ANO3: variants seen among roughly 807,000 people sequenced by gnomAD.
ANO3 encodes the protein anoctamin 3, also known as anoctamin-3.
In ANO3, 99 loss-of-function variants were observed where a neutral mutation model predicts 144.8. The observed-to-expected ratio is 0.68, with a 90% CI of 0.58 to 0.81. ANO3 has a LOEUF of 0.81. Among genes scored for constraint, ANO3 ranks in the 30% least tolerant of loss-of-function variants. ANO3 has a pLI of 0.00. For missense variants in ANO3, 905 were observed against 1,202.2 expected, an observed-to-expected ratio of 0.75 and a Z score of 3.66; for synonymous variants, 414 against 392.6, an observed-to-expected ratio of 1.05 and a Z score of -0.64.
At chr11:26,646,013 A>G (rs1366036721) in intron 23 of ANO3, among the ~76,000 whole-genome samples, 1 of 152,204 alleles carries the variant, frequency 6.6e-6, no homozygotes, top group African/African-American at 2.4e-5. Flanking sequence ...AAGCCAGACA[A>G]CACGAAAGTG....
At chr11:26,228,270 C>G (rs991721204) in intron 1 of ANO3, among the ~76,000 whole-genome samples, 14 of 152,218 alleles carry the variant, frequency 9.2e-5, no homozygotes, top group African/African-American at 3.1e-4. Context: ...CTGAACCAAA[C>G]ACATGAGCTA....
chr11:26,489,764 A>G (rs186829875), intron 4 of ANO3, among the ~76,000 whole-genome samples: 64 of 152,292 alleles, frequency 4.2e-4, no homozygotes, highest in African/African-American at 1.5e-3. Flanking sequence ...TTTGACTTGC[A>G]TGGGCCCTGT....
intron 1 of ANO3, among the ~76,000 whole-genome samples, chr11:26,283,444 A>G (rs35215165): frequency 0.062 from 9,045 of 146,912 alleles, 517 homozygotes; most frequent in African/African-American, 0.15. Context: ...CTTCACTGCA[A>G]ATCTGCTCTC....
intron 9 of ANO3, among the ~76,000 whole-genome samples, chr11:26,535,339 T>C (rs1849478251): frequency 6.6e-6 from 1 of 152,138 alleles, no homozygotes; most frequent in Admixed American, 6.5e-5. Flanking sequence ...CTAGAAAAAG[T>C]AAATAAAATT....
intron 11 of ANO3, 28 bp downstream of exon 11, chr11:26,542,096 G>C: frequency 6.2e-7 from 1 of 1,601,362 alleles, no homozygotes. Flanking sequence ...ATAATGAAAA[G>C]CAAAGTATTC....
At chr11:26,605,892 G>A (rs1465387355) in intron 17 of ANO3, among the ~76,000 whole-genome samples, 1 of 151,288 alleles carries the variant, frequency 6.6e-6, no homozygotes, top group Non-Finnish European at 1.5e-5. Context: ...ACCAACTCCT[G>A]GATTCATTCA....
At chr11:26,340,797 A>G (rs1376879053) in intron 1 of ANO3, among the ~76,000 whole-genome samples, 1 of 152,222 alleles carries the variant, frequency 6.6e-6, no homozygotes, top group African/African-American at 2.4e-5. Flanking sequence ...TCCTAACGCT[A>G]TCTTCCTTTT....
At chr11:26,336,185 A>G (rs1292774466) in intron 1 of ANO3, among the ~76,000 whole-genome samples, 4 of 152,160 alleles carry the variant, frequency 2.6e-5, no homozygotes, top group South Asian at 2.1e-4. Context: ...TGCTTGATTT[A>G]TGATGAGCTC....
chr11:26,545,713 TAAAAA>T (rs5790585), intron 11 of ANO3, among the ~76,000 whole-genome samples: 2 of 148,934 alleles, frequency 1.3e-5, no homozygotes, highest in African/African-American at 4.9e-5. Flanking sequence ...GCACAAATAT[TAAAAA>T]AAAAAAAAAC....
At chr11:26,381,909 A>G (rs1856599335) in intron 1 of ANO3, among the ~76,000 whole-genome samples, 1 of 151,960 alleles carries the variant, frequency 6.6e-6, no homozygotes, top group Non-Finnish European at 1.5e-5. Flanking sequence ...TGGCAAAACA[A>G]TTTTTTTTAT....
At chr11:26,369,142 G>A (rs948322335) in intron 1 of ANO3, among the ~76,000 whole-genome samples, 2 of 152,080 alleles carry the variant, frequency 1.3e-5, no homozygotes, top group Non-Finnish European at 2.9e-5. Context: ...AAGTCTGTGT[G>A]GGTATGTGTG....
chr11:26,295,089 G>C (rs1051458144), intron 1 of ANO3, among the ~76,000 whole-genome samples: 2 of 151,562 alleles, frequency 1.3e-5, no homozygotes, highest in African/African-American at 4.8e-5. Flanking sequence ...TTGTTGTTTT[G>C]TATTTTAGTA....
In ANO3 at chr11:26,249,138, A is replaced by G. The variant is rs572773117; in HGVS notation, c.154+59808A>G. 1.6e-4 allele frequency among the ~76,000 whole-genome samples: 24 copies of G among 152,304 alleles called. 1 individual carries two copies. The South Asian group carries it at 4.8e-3, about 30-fold the overall frequency. On this transcript the variant is annotated intron_variant, in intron 1 of 27. Transcript: ENST00000672621. Reference sequence around the variant, plus strand: ...TAGCTTATATTTGCATAGCTCTTCAAAATATTTTGTAATGGAGACTGATTG... The same window carrying G: ...TAGCTTATATTTGCATAGCTCTTCAGAATATTTTGTAATGGAGACTGATTG...
chr11:26,201,524 T>A (rs1382255563), intron 1 of ANO3, among the ~76,000 whole-genome samples: 1 of 151,888 alleles, frequency 6.6e-6, no homozygotes, highest in African/African-American at 2.4e-5. Context: ...AAATTACAAA[T>A]AGAGAAAAGA....
At chr11:26,444,220 T>C (rs1858627190) in intron 3 of ANO3, among the ~76,000 whole-genome samples, 1 of 152,204 alleles carries the variant, frequency 6.6e-6, no homozygotes, top group East Asian at 1.9e-4. Flanking sequence ...ATTTTATTTA[T>C]TTTTCCTATA....
At chr11:26,386,666 T>C (rs9943645) in intron 1 of ANO3, among the ~76,000 whole-genome samples, 2 of 152,028 alleles carry the variant, frequency 1.3e-5, no homozygotes, top group Non-Finnish European at 1.5e-5. Flanking sequence ...GAAAACATCA[T>C]ATTAACTTAG....
intron 6 of ANO3, among the ~76,000 whole-genome samples, chr11:26,520,333 A>T (rs117549675): frequency 4.6e-5 from 7 of 152,280 alleles, no homozygotes; most frequent in Non-Finnish European, 8.8e-5. Context: ...GTAGGAATGC[A>T]TGTAAAAGAA....
chr11:26,236,724 A>G (rs1367218048), intron 1 of ANO3, among the ~76,000 whole-genome samples: 6 of 149,650 alleles, frequency 4.0e-5, no homozygotes, highest in African/African-American at 1.2e-4. Flanking sequence ...AGGCTGAGGC[A>G]GGAGAATGGC....
At chr11:26,565,410 G>C in intron 14 of ANO3, 1 of 1,613,382 alleles carries the variant, frequency 6.2e-7, no homozygotes, top group Non-Finnish European at 8.5e-7. Context: ...CAAAGACCAA[G>C]TGAAGTTTTC....
Sources: gnomAD v4.1 joint callset for allele counts (sites outside exome capture counted in the v4.1 genomes callset) on GRCh38, gnomAD v4.1.1 for gene constraint, MANE v1.5 for transcripts, NCBI Gene and HGNC (gene_info 2026-07-23, HGNC 2026-07-21) for gene names.